Variants in SRRM3 observed in about 807,000 individuals in gnomAD.
SRRM3 encodes the protein serine/arginine repetitive matrix protein 3.
A neutral mutation model predicts 66.2 loss-of-function variants in SRRM3; 27 were observed. The observed-to-expected ratio is 0.41, with a 90% CI of 0.30 to 0.56. The LOEUF is 0.56. SRRM3 is among the 20% of genes least tolerant of loss of function. The pLI is 0.32. For synonymous variants in SRRM3, 391 were observed against 414.9 expected (o/e 0.94, Z 0.70); for missense variants, 918 against 991.9 (o/e 0.93, Z 1.00).
intron 9 of SRRM3, 110 bp downstream of exon 9, chr7:76,264,925 C>A: frequency 8.2e-7 from 1 of 1,222,284 alleles, no homozygotes; most frequent in Non-Finnish European, 1.1e-6. Flanking sequence ...TCATTTTGCC[C>A]AGATGGAAAA....
intron 3 of SRRM3, among the ~76,000 whole-genome samples, chr7:76,251,738 TGGG>T: frequency 6.6e-6 from 1 of 151,868 alleles, no homozygotes; most frequent in African/African-American, 2.4e-5. Context: ...CAGACCAGCC[TGGG>T]CAACAGAGCA....
At chr7:76,237,621 G>A (rs1554605116) in intron 2 of SRRM3, among the ~76,000 whole-genome samples, 1 of 152,014 alleles carries the variant, frequency 6.6e-6, no homozygotes, top group East Asian at 1.9e-4. Context: ...CAAATTCTGC[G>A]AAATTCTGTC....
intron 11 of SRRM3, among the ~76,000 whole-genome samples, chr7:76,274,630 A>C (rs1802296727): frequency 6.6e-6 from 1 of 152,188 alleles, no homozygotes; most frequent in Admixed American, 6.5e-5. Context: ...GCCAGCAGGG[A>C]CTAGGGGCCC....
At chr7:76,254,892 G>T (rs539442970) in intron 3 of SRRM3, among the ~76,000 whole-genome samples, 9 of 152,128 alleles carry the variant, frequency 5.9e-5, no homozygotes, top group Non-Finnish European at 1.3e-4. Flanking sequence ...GAGGAGCATG[G>T]AAAAGAAAAG....
At chr7:76,225,599 A>G (rs1047687980) in intron 1 of SRRM3, among the ~76,000 whole-genome samples, 2 of 150,370 alleles carry the variant, frequency 1.3e-5, no homozygotes, top group African/African-American at 4.9e-5. Context: ...AGACAAGGGG[A>G]GCAGGGAGGA....
chr7:76,230,572 C>T (rs1353204458), intron 1 of SRRM3, among the ~76,000 whole-genome samples: 2 of 119,754 alleles, frequency 1.7e-5, no homozygotes, highest in Non-Finnish European at 3.7e-5. Flanking sequence ...TCACTGAAGC[C>T]CAGGAGGTCA....
chr7:76,277,718 A>AC (rs1289437402), intron 11 of SRRM3, among the ~76,000 whole-genome samples: 8 of 73,948 alleles, frequency 1.1e-4, no homozygotes, highest in African/African-American at 7.2e-4. Context: ...AACAACAACA[A>AC]AAAAAAAAAA....
intron 3 of SRRM3, among the ~76,000 whole-genome samples, chr7:76,254,246 C>A (rs1456928560): frequency 6.6e-6 from 1 of 151,048 alleles, no homozygotes; most frequent in Admixed American, 6.6e-5. Flanking sequence ...GTTTTAAACT[C>A]CTGATCTCAA....
intron 3 of SRRM3, among the ~76,000 whole-genome samples, chr7:76,250,706 G>A (rs1801561040): frequency 6.6e-6 from 1 of 152,202 alleles, no homozygotes; most frequent in Admixed American, 6.5e-5. Flanking sequence ...AACAGGAACA[G>A]AGACAGGCTC....
intron 1 of SRRM3, among the ~76,000 whole-genome samples, chr7:76,222,885 G>T (rs566606244): frequency 4.6e-5 from 7 of 152,178 alleles, no homozygotes; most frequent in African/African-American, 1.7e-4. Context: ...CAAAGTGCTG[G>T]AATTACAGGA....
At chr7:76,210,539 A>G (rs1800406862) in intron 1 of SRRM3, among the ~76,000 whole-genome samples, 1 of 152,198 alleles carries the variant, frequency 6.6e-6, no homozygotes, top group South Asian at 2.1e-4. Flanking sequence ...CTGCATGAAC[A>G]CATTGTCATC....
At chr7:76,253,508 C>T (rs1292311334) in intron 3 of SRRM3, among the ~76,000 whole-genome samples, 1 of 151,900 alleles carries the variant, frequency 6.6e-6, no homozygotes, top group Non-Finnish European at 1.5e-5. Flanking sequence ...GTAGTCTCCG[C>T]TACTCGGGAA....
intron 11 of SRRM3, chr7:76,267,854 T>C (rs1554610022): frequency 6.2e-6 from 1 of 161,426 alleles, no homozygotes; most frequent in Non-Finnish European, 1.3e-5. Flanking sequence ...GACCCCCCAC[T>C]GGGCACCACC....
chr7:76,285,588 C>G lies in SRRM3; in HGVS notation c.1734-27C>G. The stretch of plus-strand genomic sequence containing the variant: ...GATGGGGCTCGGGGCCTGGGATGGC[C>G]TGTAATCAGCTTTTTCTTCCCGGCA... On this transcript the variant is annotated intron_variant, in intron 14 of 14. Transcript: ENST00000611745. The surrounding 1 kb of genome is among the most constrained non-coding windows in gnomAD (Gnocchi z 4.1). The G allele has an allele frequency of 6.5e-7, 1 of 1,538,140 alleles. No individual in the cohort carries two copies. The highest frequency in any genetic ancestry group is 8.8e-7 in the Non-Finnish European group (1 of 1,138,042).
chr7:76,231,304 C>G (rs1245347820), intron 1 of SRRM3, among the ~76,000 whole-genome samples: 6 of 152,196 alleles, frequency 3.9e-5, no homozygotes, highest in Non-Finnish European at 5.9e-5. Context: ...TCTGCCACGC[C>G]CCTCTTCACA....
At chr7:76,258,539 C>A (rs1035872715) in intron 3 of SRRM3, among the ~76,000 whole-genome samples, 5 of 149,898 alleles carry the variant, frequency 3.3e-5, no homozygotes, top group Non-Finnish European at 3.0e-5. Flanking sequence ...ATGGTGAAAC[C>A]CCGTCTCTAC....
chr7:76,226,526 G>A (rs1554603753), intron 1 of SRRM3, among the ~76,000 whole-genome samples: 2 of 152,224 alleles, frequency 1.3e-5, no homozygotes, highest in African/African-American at 4.8e-5. Flanking sequence ...CCCGGCTCCT[G>A]GCTGTATCAG....
chr7:76,249,408 G>A (rs1199025754), intron 3 of SRRM3, among the ~76,000 whole-genome samples: 5 of 151,152 alleles, frequency 3.3e-5, no homozygotes, highest in African/African-American at 1.2e-4. Flanking sequence ...GTATGGCTTT[G>A]CTGAGGTCAC....
In SRRM3 at chr7:76,281,614, G is replaced by A. The variant is rs1222429097; in HGVS notation, c.1182G>A (p.Arg394=). 2.1e-6 allele frequency: 2 copies of A among 974,988 alleles called. No individual in the cohort carries two copies. The highest frequency in any genetic ancestry group is 2.4e-6 in the Non-Finnish European group (2 of 823,222). The allele number at this position is 974,988 out of a possible 1,614,324, so 60.4% of individuals were successfully genotyped here. A position where few individuals can be genotyped will look rare whatever the true frequency, so the allele number is the denominator to read the frequency against. Residue 394 remains arginine (R), a synonymous_variant, in exon 12 of 15, where the codon CGG becomes CGA. Transcript: ENST00000611745. The part of the protein sequence containing the change: ...GRRRRRRRRR[R]RSRSSASAPR... ...GGCGGCGGCGGCGGCGTAGGCGGCG[G>A]CGCTCGCGGTCCTCGGCGTCCGCGC...
Sources: allele counts gnomAD v4.1 joint callset (sites outside exome capture counted in the v4.1 genomes callset), GRCh38; gene constraint gnomAD v4.1.1; non-coding constraint Gnocchi (gnomAD v3.1); transcripts MANE v1.5; gene names NCBI Gene and HGNC (gene_info 2026-07-23, HGNC 2026-07-21).